SLC25A51: variants seen among roughly 807,000 people sequenced by gnomAD.
SLC25A51 encodes the protein solute carrier family 25 member 51.
In SLC25A51, 11 loss-of-function variants were observed where a neutral mutation model predicts 19.1. The ratio of observed to expected loss-of-function variants is 0.58; its 90% CI spans 0.36 to 0.96. The LOEUF (loss-of-function observed/expected upper bound fraction) is 0.96, where lower values mean the gene tolerates loss of function less well. Ranked by LOEUF, SLC25A51 falls within the 40% of genes least tolerant of loss-of-function variation. SLC25A51 has a pLI of 0.01. For synonymous variants in SLC25A51, 105 were observed against 133.6 expected (o/e 0.79, Z 1.47); for missense variants, 201 against 365.4 (o/e 0.55, Z 3.67).
At chr9:37,903,356 G>C (rs1174608711) in intron 1 of SLC25A51, among the ~76,000 whole-genome samples, 1 of 152,182 alleles carries the variant, frequency 6.6e-6, no homozygotes, top group East Asian at 1.9e-4. Context: ...AGGTTTTGCA[G>C]GAAGTTGAGG....
At chr9:37,886,402 T>C, downstream of SLC25A51, 3 of 1,577,004 alleles carry the variant, frequency 1.9e-6, no homozygotes, top group African/African-American at 2.7e-5. Flanking sequence ...ATCCTCACTT[T>C]GGCAGTGCTT....
At chr9:37,877,635 T>C (rs574991171), downstream of SLC25A51, among the ~76,000 whole-genome samples, 36 of 144,184 alleles carry the variant, frequency 2.5e-4, no homozygotes, top group Admixed American at 1.6e-3. Context: ...CTGGACTCAA[T>C]AGATCCTCCT....
chr9:37,881,119 T>A (rs1164782467), intron 3 of SLC25A51, among the ~76,000 whole-genome samples: 2 of 151,526 alleles, frequency 1.3e-5, no homozygotes, highest in East Asian at 3.9e-4. Flanking sequence ...AACATGCAAA[T>A]TCACAATGTG....
At chr9:37,897,525 A>G (rs1831744809) in intron 2 of SLC25A51, among the ~76,000 whole-genome samples, 1 of 152,092 alleles carries the variant, frequency 6.6e-6, no homozygotes, top group Non-Finnish European at 1.5e-5. Flanking sequence ...ACCATGTAAA[A>G]GATCACTTGC....
chr9:37,895,287 G>C (rs1482559966), intron 2 of SLC25A51, among the ~76,000 whole-genome samples: 1 of 151,210 alleles, frequency 6.6e-6, no homozygotes, highest in African/African-American at 2.4e-5. Flanking sequence ...CTGTAACCTC[G>C]AACTCCTAGG....
At chr9:37,884,948 C>T (rs1014884583), downstream of SLC25A51, among the ~76,000 whole-genome samples, 1 of 152,196 alleles carries the variant, frequency 6.6e-6, no homozygotes, top group Admixed American at 6.5e-5. Context: ...CTTGATCTAC[C>T]ATATCTAAAT....
At chr9:37,879,335 T>G (rs1831308500), downstream of SLC25A51, 4 of 197,354 alleles carry the variant, frequency 2.0e-5, no homozygotes, top group African/African-American at 2.4e-5. Context: ...CTGCGACTAC[T>G]CAGTGGTCTC....
chr9:37,903,919 G>C (rs1385251191), intron 1 of SLC25A51, 149 bp downstream of exon 1: 1 of 152,308 alleles, frequency 6.6e-6, no homozygotes, highest in Non-Finnish European at 1.5e-5. Flanking sequence ...GGCCCGCAGG[G>C]ACCGGGCCAG....
Position 37,897,036 on chromosome 9 carries a change from T to C in SLC25A51, c.-43+2793A>G, listed in dbSNP as rs115755375. 3.7e-3 allele frequency among the ~76,000 whole-genome samples: 558 copies of C among 152,258 alleles called. 4 individuals are homozygous for C. Among genetic ancestry groups the C allele is most frequent in the African/African-American group, 0.013 (540 of 41,536 alleles). ...GGAATGACAGACAGGACATGACAAGTCTATCTTAATTTTAAATACTGATCA... is the reference window on the plus strand; with the variant it reads ...GGAATGACAGACAGGACATGACAAGCCTATCTTAATTTTAAATACTGATCA... On this transcript the variant is annotated intron_variant, in intron 2 of 2. Transcript: ENST00000242275.
chr9:37,892,843 G>A (rs912324213), intron 2 of SLC25A51, among the ~76,000 whole-genome samples: 3 of 151,984 alleles, frequency 2.0e-5, no homozygotes, highest in African/African-American at 4.8e-5. Context: ...GGGTTCAAGC[G>A]ATTTTACTGC....
At chr9:37,882,010 T>C (rs1159035066) in intron 2 of SLC25A51, among the ~76,000 whole-genome samples, 1 of 152,128 alleles carries the variant, frequency 6.6e-6, no homozygotes, top group African/African-American at 2.4e-5. Context: ...CAAACAAAAA[T>C]AGCATTGTGC....
At chr9:37,890,906 A>T (rs1203353427) in intron 2 of SLC25A51, among the ~76,000 whole-genome samples, 1 of 152,214 alleles carries the variant, frequency 6.6e-6, no homozygotes, top group African/African-American at 2.4e-5. Flanking sequence ...TTCACTTGGA[A>T]CAAAAAATTG....
downstream of SLC25A51, chr9:37,885,837 C>CT (rs1587155253): frequency 6.2e-6 from 10 of 1,603,498 alleles, no homozygotes; most frequent in Non-Finnish European, 8.5e-6. Flanking sequence ...CATGGGCCTA[C>CT]TTTACATCAC....
chr9:37,885,658 C>A, downstream of SLC25A51: 1 of 1,008,316 alleles, frequency 9.9e-7, no homozygotes, highest in Non-Finnish European at 1.6e-6. Flanking sequence ...GACTCGGAAC[C>A]CCAAAGGAGT....
downstream of SLC25A51, chr9:37,886,029 A>T (rs1831448807): frequency 6.2e-7 from 1 of 1,613,410 alleles, no homozygotes; most frequent in Non-Finnish European, 8.5e-7. Context: ...GCCCCTATCT[A>T]TGCTGACCTC....
intron 2 of SLC25A51, among the ~76,000 whole-genome samples, chr9:37,892,226 G>A (rs1215271793): frequency 6.6e-6 from 1 of 152,228 alleles, no homozygotes; most frequent in African/African-American, 2.4e-5. Flanking sequence ...CCATACAGCA[G>A]GAGGTCATTA....
downstream of SLC25A51, among the ~76,000 whole-genome samples, chr9:37,883,003 C>G (rs965099113): frequency 2.6e-5 from 4 of 152,196 alleles, no homozygotes; most frequent in Non-Finnish European, 4.4e-5. Context: ...GCCACCATAC[C>G]CGGCTAGTTT....
At chr9:37,884,796 C>G (rs528094048), downstream of SLC25A51, among the ~76,000 whole-genome samples, 81 of 152,224 alleles carry the variant, frequency 5.3e-4, 1 homozygote, top group South Asian at 0.017. Flanking sequence ...ACAACTATAA[C>G]AAGATTCAAG....
At chr9:37,895,818 CTTT>C (rs922167874) in intron 2 of SLC25A51, among the ~76,000 whole-genome samples, 1 of 142,604 alleles carries the variant, frequency 7.0e-6, no homozygotes, top group African/African-American at 2.6e-5. Flanking sequence ...CCTTCCACAA[CTTT>C]TTTTTTTTTT....
Sources: gnomAD v4.1 joint callset for allele counts (sites outside exome capture counted in the v4.1 genomes callset) on GRCh38, gnomAD v4.1.1 for gene constraint, MANE v1.5 for transcripts, NCBI Gene and HGNC (gene_info 2026-07-23, HGNC 2026-07-21) for gene names.